The following RAB11FIP2 variants were observed in gnomAD, a reference collection of about 807,000 sequenced individuals.
RAB11FIP2 encodes the protein rab11 family-interacting protein 2.
Under a neutral mutation model 40.9 loss-of-function variants are expected in RAB11FIP2, and 16 were observed. The ratio of observed to expected loss-of-function variants is 0.39; its 90% confidence interval spans 0.26 to 0.59. The LOEUF (loss-of-function observed/expected upper bound fraction) is 0.59, where lower values mean the gene tolerates loss of function less well. Ranked by LOEUF, RAB11FIP2 falls within the 20% of genes least tolerant of loss-of-function variation. The pLI is 0.53. For synonymous variants in RAB11FIP2, 228 were observed against 213.7 expected, an observed-to-expected ratio of 1.07 and a Z score of -0.58; for missense variants, 532 against 606.2, an observed-to-expected ratio of 0.88 and a Z score of 1.28.
intron 1 of RAB11FIP2, among the ~76,000 whole-genome samples, chr10:118,043,220 A>G (rs1169899319): frequency 6.6e-6 from 1 of 152,156 alleles, no homozygotes; most frequent in Non-Finnish European, 1.5e-5. Flanking sequence ...GCCAGGACAC[A>G]GGTGCACCGC....
intron 1 of RAB11FIP2, among the ~76,000 whole-genome samples, chr10:118,042,126 G>A (rs1025838887): frequency 6.6e-5 from 10 of 152,054 alleles, no homozygotes; most frequent in Non-Finnish European, 1.2e-4. Flanking sequence ...CACATCTGAC[G>A]AACAGTAGCT....
chr10:118,034,356 T>TA (rs56136005), intron 3 of RAB11FIP2, among the ~76,000 whole-genome samples: 63,814 of 145,610 alleles, frequency 0.44, 15,745 homozygotes, highest in South Asian at 0.58. Flanking sequence ...ATGTCCTAGT[T>TA]AAAAAAAAAA....
chr10:118,013,143 A>G (rs1287269317), intron 4 of RAB11FIP2, among the ~76,000 whole-genome samples: 1 of 152,080 alleles, frequency 6.6e-6, no homozygotes, highest in Admixed American at 6.6e-5. Context: ...AAATAACTGA[A>G]GATTTAAAGA....
intron 4 of RAB11FIP2, among the ~76,000 whole-genome samples, 150 bp downstream of exon 4, chr10:118,014,911 ACTTT>A (rs1192028771): frequency 2.0e-5 from 3 of 152,190 alleles, no homozygotes; most frequent in Non-Finnish European, 2.9e-5. Flanking sequence ...ATTGTATTTT[ACTTT>A]CTTTCTTTCT....
At chr10:118,040,029 C>G in intron 2 of RAB11FIP2, 94 bp downstream of exon 2, 6 of 1,247,236 alleles carry the variant, frequency 4.8e-6, no homozygotes, top group Non-Finnish European at 6.6e-6. Context: ...TACTACAAAG[C>G]AACTGCTATT....
intron 3 of RAB11FIP2, among the ~76,000 whole-genome samples, chr10:118,036,919 A>C (rs745913224): frequency 1.3e-5 from 2 of 152,112 alleles, no homozygotes; most frequent in Non-Finnish European, 2.9e-5. Flanking sequence ...TAAACAACTC[A>C]AATACAGGGC....
intron 1 of RAB11FIP2, among the ~76,000 whole-genome samples, chr10:118,041,058 A>G (rs1846552003): frequency 6.6e-6 from 1 of 152,126 alleles, no homozygotes; most frequent in South Asian, 2.1e-4. Context: ...CCAAAATATT[A>G]CTTACGTAAA....
At chr10:118,042,057 T>G (rs1268199238) in intron 1 of RAB11FIP2, among the ~76,000 whole-genome samples, 1 of 152,084 alleles carries the variant, frequency 6.6e-6, no homozygotes, top group African/African-American at 2.4e-5. Flanking sequence ...TGAAGCAGAT[T>G]ATATACCCAG....
intron 4 of RAB11FIP2, among the ~76,000 whole-genome samples, chr10:118,014,711 C>A (rs758350039): frequency 6.6e-6 from 1 of 151,988 alleles, no homozygotes; most frequent in Non-Finnish European, 1.5e-5. Flanking sequence ...CCAACAACAA[C>A]AAAAAATAGT....
chr10:118,038,124 G>A (rs1846505705), intron 3 of RAB11FIP2, among the ~76,000 whole-genome samples: 1 of 151,570 alleles, frequency 6.6e-6, no homozygotes, highest in African/African-American at 2.4e-5. Flanking sequence ...ACTTAAGATG[G>A]GAATAAATTT....
chr10:118,017,576 G>A (rs2133165446), intron 3 of RAB11FIP2: 1 of 152,350 alleles, frequency 6.6e-6, no homozygotes, highest in East Asian at 1.9e-4. Flanking sequence ...GACTGGCAGC[G>A]AGGCAGCAGG....
chr10:118,045,789 C>G (rs1212947764), intron 1 of RAB11FIP2, 22 bp downstream of exon 1: 1 of 1,528,916 alleles, frequency 6.5e-7, no homozygotes, highest in Non-Finnish European at 8.9e-7. Flanking sequence ...CCCCCAAATT[C>G]AAAATAAATT....
Position 118,009,223 on chromosome 10 carries a change from G to A in RAB11FIP2, c.1314C>T (p.Asp438=). ...CTGCAGTGGCATCAAAGGGGTTGCT[G>A]TCCTAGAACAGGATAAAGACTGTCA... ...TSNEDLRKIP[D]SNPFDATAGY... The change falls in exon 5 of 5, where the codon GAC becomes GAT. Residue 438 remains aspartate (D), a splice_region_variant and synonymous_variant. Coordinates refer to ENST00000355624, the MANE Select transcript of RAB11FIP2 (RefSeq NM_014904.3). 1 of 1,609,282 alleles carries A rather than the reference G, an allele frequency of 6.2e-7. No individual in the cohort carries two copies. Among genetic ancestry groups the A allele is most frequent in the Non-Finnish European group, 8.5e-7 (1 of 1,176,098 alleles).
At chr10:118,013,126 A>C (rs1009541425) in intron 4 of RAB11FIP2, among the ~76,000 whole-genome samples, 1 of 152,118 alleles carries the variant, frequency 6.6e-6, no homozygotes, top group African/African-American at 2.4e-5. Context: ...CAAATTATCA[A>C]GACTCAAAAT....
intron 3 of RAB11FIP2, among the ~76,000 whole-genome samples, chr10:118,021,907 C>T (rs2133168755): frequency 6.6e-6 from 1 of 152,342 alleles, no homozygotes; most frequent in East Asian, 1.9e-4. Flanking sequence ...CATATTCTCT[C>T]ACCACCAACT....
At position 118,005,089 on chromosome 10, in the gene RAB11FIP2, A is replaced by C. The variant is rs917000749; in HGVS notation, c.*3909T>G. 3.3e-5 allele frequency: 5 copies of C among 152,636 alleles called. No homozygotes were observed. The highest frequency in any genetic ancestry group is 1.2e-4 in the African/African-American group (5 of 41,442). The allele number at this position is 152,636 out of a possible 1,614,324, so 9.5% of individuals were successfully genotyped here. ...AAGTTATGAGAGCATTTACTTAAGA[A>C]GATAAGTGTTATACTCTTCAGTTAT... On this transcript the variant is annotated 3_prime_UTR_variant, in exon 5 of 5. Coordinates refer to ENST00000355624, the MANE Select transcript of RAB11FIP2 (RefSeq NM_014904.3).
chr10:118,015,151 T>C (rs1187934309), intron 3 of RAB11FIP2, 41 bp from the exon 4 acceptor site: 5 of 1,532,444 alleles, frequency 3.3e-6, no homozygotes, highest in South Asian at 2.4e-5. Flanking sequence ...TCATAACTCA[T>C]GTGGGAGGAA....
In RAB11FIP2 at chr10:118,039,190, A is replaced by G. The variant is rs755575274; in HGVS notation, c.1047T>C (p.Asn349=). The G allele has an allele frequency of 6.2e-7, 1 of 1,612,832 alleles. No individual in the cohort carries two copies. Among genetic ancestry groups the G allele is most frequent in the Non-Finnish European group, 8.5e-7 (1 of 1,179,620 alleles). Residue 349 remains asparagine (N), a synonymous_variant, in exon 3 of 5, where the codon AAT becomes AAC. Coordinates refer to ENST00000355624, the MANE Select transcript of RAB11FIP2 (RefSeq NM_014904.3). ...FSKPIEIRKE[N]KREKREKVSL... is the part of the protein sequence containing the mutation. ...TAACTTTCTCCCTTTTCTCTCTTTT[A>G]TTTTCTTTTCTTATTTCAATTGGTT...
intron 1 of RAB11FIP2, 111 bp from the exon 2 acceptor site, chr10:118,040,676 T>C (rs1846547255): frequency 4.1e-6 from 3 of 731,808 alleles, no homozygotes; most frequent in African/African-American, 3.6e-5. Flanking sequence ...CAAGGCAACC[T>C]AAGCTCTGAA....
Sources: allele counts gnomAD v4.1 joint callset (sites outside exome capture counted in the v4.1 genomes callset), GRCh38; gene constraint gnomAD v4.1.1; transcripts MANE v1.5; gene names NCBI Gene and HGNC (gene_info 2026-07-23, HGNC 2026-07-21).